Variants in ADD1 observed in about 807,000 individuals in gnomAD.
The protein encoded by ADD1 is alpha-adducin.
ADD1 carries 24 observed loss-of-function variants against 80.5 expected under a neutral mutation model. The ratio of observed to expected loss-of-function variants is 0.30; its 90% CI spans 0.22 to 0.42. The LOEUF is 0.42. Among genes scored for constraint, ADD1 ranks in the 10% least tolerant of loss-of-function variants. The pLI, the probability that ADD1 is intolerant of heterozygous loss-of-function variation, is 1.00. For missense variants in ADD1, 948 were observed against 1,019.0 expected (o/e 0.93, Z 0.95); for synonymous variants, 373 against 393.8 (o/e 0.95, Z 0.63).
chr4:2,889,866 C>T (rs768756096), intron 4 of ADD1, among the ~76,000 whole-genome samples: 2 of 151,496 alleles, frequency 1.3e-5, no homozygotes, highest in East Asian at 1.9e-4. Flanking sequence ...TAATAAAAGC[C>T]GCAACCTGGA....
At chr4:2,913,134 C>G (rs1368376159) in intron 13 of ADD1, among the ~76,000 whole-genome samples, 1 of 152,224 alleles carries the variant, frequency 6.6e-6, no homozygotes, top group Non-Finnish European at 1.5e-5. Flanking sequence ...AGGTGTGAGC[C>G]ACCATGCCTG....
At position 2,928,652 on chromosome 4, in the gene ADD1, C is replaced by T. The variant is rs893966279; in HGVS notation, c.*129C>T. 9.1e-5 allele frequency: 90 copies of T among 989,218 alleles called. No homozygotes were observed. The East Asian group carries it at 9.1e-4, about 10-fold the overall frequency. 61.3% of individuals were successfully genotyped at this position (989,218 alleles called of 1,614,324 possible). A position where few individuals can be genotyped will look rare whatever the true frequency, so the allele number is the denominator to read the frequency against. On this transcript the variant is annotated 3_prime_UTR_variant, in exon 16 of 16. Transcript: ENST00000683351. Reference sequence around the variant, plus strand: ...AGCCCTCCGCCTAGAGGTCCCCTCACGTGACCAGCCCCGTGTAGCCCCGGG... The same window carrying T: ...AGCCCTCCGCCTAGAGGTCCCCTCATGTGACCAGCCCCGTGTAGCCCCGGG...
intron 12 of ADD1, 118 bp downstream of exon 12, chr4:2,908,722 AC>A (rs1737483235): frequency 2.4e-6 from 2 of 837,266 alleles, no homozygotes; most frequent in Non-Finnish European, 3.8e-6. Flanking sequence ...GCAACCAGTT[AC>A]CTTTGTTAAA....
intron 2 of ADD1, among the ~76,000 whole-genome samples, chr4:2,880,556 A>G (rs1177394931): frequency 7.3e-6 from 1 of 136,762 alleles, no homozygotes; most frequent in Non-Finnish European, 1.5e-5. Flanking sequence ...GCTCACTGCA[A>G]GCTCCGCCTC....
intron 14 of ADD1, among the ~76,000 whole-genome samples, chr4:2,921,734 C>CAA (rs1740082417): frequency 6.6e-6 from 1 of 152,158 alleles, no homozygotes; most frequent in Non-Finnish European, 1.5e-5. Flanking sequence ...GAGTGTTTTC[C>CAA]ACCTTGGTTT....
intron 9 of ADD1, chr4:2,899,860 T>A (rs754201864): frequency 4.8e-5 from 15 of 314,788 alleles, no homozygotes; most frequent in Non-Finnish European, 9.2e-5. Flanking sequence ...GGGTATCCAC[T>A]CCCTGTCCAC....
intron 14 of ADD1, among the ~76,000 whole-genome samples, chr4:2,916,321 G>A (rs1324818791): frequency 6.6e-6 from 1 of 151,582 alleles, no homozygotes; most frequent in Non-Finnish European, 1.5e-5. Context: ...TCAGCCTCCC[G>A]AGTAGCTGGG....
chr4:2,898,118 T>C, intron 6 of ADD1, 66 bp from the exon 7 acceptor site: 2 of 1,515,416 alleles, frequency 1.3e-6, no homozygotes, highest in Non-Finnish European at 1.8e-6. Flanking sequence ...GGAAAGCATT[T>C]ACCATATCAT....
At chr4:2,886,502 T>G (rs1733395878) in intron 4 of ADD1, among the ~76,000 whole-genome samples, 1 of 152,202 alleles carries the variant, frequency 6.6e-6, no homozygotes, top group South Asian at 2.1e-4. Context: ...ATGTCATCGC[T>G]GCTTTATTCC....
chr4:2,879,850 G>A (rs894471431), intron 2 of ADD1, among the ~76,000 whole-genome samples: 1 of 152,112 alleles, frequency 6.6e-6, no homozygotes, highest in African/African-American at 2.4e-5. Flanking sequence ...AAGTAGCTAG[G>A]ATTACAGGCA....
In ADD1 at chr4:2,914,994, G is replaced by C; in HGVS notation, c.1902G>C (p.Leu634=). 1 of 1,614,118 alleles carries C rather than the reference G, an allele frequency of 6.2e-7. No homozygotes were observed. ...TCACCACACTCACAGACCGTGAGCT[G>C]GAGGAGTACCGCAGGGAGGTGGAGA... ...NPFTTLTDRE[L]EEYRREVERK... Residue 634 remains leucine, a synonymous_variant, in exon 14 of 16, where the codon CTG becomes CTC. Coordinates refer to ENST00000683351, the MANE Select transcript of ADD1 (RefSeq NM_001354761.2).
chr4:2,883,795 C>T (rs1439675459), intron 3 of ADD1, among the ~76,000 whole-genome samples: 1 of 152,110 alleles, frequency 6.6e-6, no homozygotes, highest in Non-Finnish European at 1.5e-5. Context: ...CCTCAGCCTC[C>T]CAAGTAGCTG....
At chr4:2,854,255 C>T (rs568481343) in intron 1 of ADD1, among the ~76,000 whole-genome samples, 23 of 152,220 alleles carry the variant, frequency 1.5e-4, no homozygotes, top group Middle Eastern at 6.8e-3. Context: ...ACCTAGGAGG[C>T]GTAGGCTGCA....
chr4:2,898,830 A>T (rs1735694575), intron 8 of ADD1: 2 of 432,762 alleles, frequency 4.6e-6, no homozygotes, highest in East Asian at 4.7e-5. Flanking sequence ...GTGTCATCGC[A>T]TATGTGATGT....
At chr4:2,909,929 T>TA (rs1737737913) in intron 13 of ADD1, among the ~76,000 whole-genome samples, 1 of 148,630 alleles carries the variant, frequency 6.7e-6, no homozygotes, top group Admixed American at 6.7e-5. Context: ...ATTCAGACAG[T>TA]CTTTGTCAGC....
At chr4:2,884,165 G>A (rs917613057) in intron 3 of ADD1, among the ~76,000 whole-genome samples, 3 of 152,084 alleles carry the variant, frequency 2.0e-5, no homozygotes, top group African/African-American at 7.2e-5. Flanking sequence ...TTTACTGCAC[G>A]CCACAAATTT....
In ADD1 at chr4:2,898,219, C is replaced by A; in HGVS notation, c.777C>A (p.Ser259=). 1 of 1,614,044 alleles carries A rather than the reference C, an allele frequency of 6.2e-7. No homozygotes were observed. The highest frequency in any genetic ancestry group is 8.5e-7 in the Non-Finnish European group (1 of 1,179,948). ...TGAAATGTGGCCTCTTGCCAATCTC[C>A]CCGGAGGCGCTTTCCCTTGGAGAAG... ...SAMKCGLLPI[S]PEALSLGEVA... Residue 259 remains serine (S), a synonymous_variant, in exon 7 of 16, where the codon TCC becomes TCA. Transcript: ENST00000683351.
intron 13 of ADD1, among the ~76,000 whole-genome samples, chr4:2,911,450 T>TATA (rs67360075): frequency 2.3e-4 from 26 of 112,480 alleles, no homozygotes; most frequent in African/African-American, 6.1e-4. Context: ...ATATATATAT[T>TATA]TTTTTTTTTT....
At position 2,909,341 on chromosome 4, in the gene ADD1, T is replaced by C. The variant is rs1382571233; in HGVS notation, c.1701T>C (p.Asp567=). 1 of 1,550,186 alleles carries C rather than the reference T, an allele frequency of 6.5e-7. No homozygotes were observed. Among genetic ancestry groups the C allele is most frequent in the South Asian group, 1.2e-5 (1 of 84,046 alleles). ...GVVMDRSLVQ[D]APLSDCTETI... ...GGTGACTCAGTTTACTGTTTCAGGATGCACCTCTCTCTGACTGTACGGAAA... is the reference window on the plus strand; with the variant it reads ...GGTGACTCAGTTTACTGTTTCAGGACGCACCTCTCTCTGACTGTACGGAAA... Residue 567 remains aspartate, a splice_region_variant and synonymous_variant, in exon 13 of 16, where the codon GAT becomes GAC. Transcript: ENST00000683351.
Sources: allele counts gnomAD v4.1 joint callset (sites outside exome capture counted in the v4.1 genomes callset), GRCh38; gene constraint gnomAD v4.1.1; transcripts MANE v1.5; gene names NCBI Gene and HGNC (gene_info 2026-07-23, HGNC 2026-07-21).